The following GNB1 variants were observed in gnomAD, a reference collection of about 807,000 sequenced individuals.
GNB1 encodes the protein G protein subunit beta 1.
A neutral mutation model predicts 42.9 loss-of-function variants in GNB1; 2 were observed. That is an observed-to-expected ratio of 0.05 (90% CI 0.02 to 0.15). The LOEUF (loss-of-function observed/expected upper bound fraction) is 0.15, where lower values mean the gene tolerates loss of function less well. Ranked by LOEUF, GNB1 falls within the 10% of genes least tolerant of loss-of-function variation. The pLI is 1.00. For synonymous variants in GNB1, 183 were observed against 174.7 expected, an observed-to-expected ratio of 1.05 and a Z score of -0.38; for missense variants, 193 against 462.2, an observed-to-expected ratio of 0.42 and a Z score of 5.34.
intron 7 of GNB1, 29 bp from the exon 8 acceptor site, chr1:1,793,340 C>T (rs1290066887): frequency 3.2e-6 from 5 of 1,542,530 alleles, no homozygotes; most frequent in Non-Finnish European, 4.5e-6. Context: ...AAGTGATGAG[C>T]TGAATCCAGC....
Position 1,811,461 on chromosome 1 carries a change from G to A in GNB1, c.203+4295C>T, listed in dbSNP as rs558084552. Among the ~76,000 whole-genome samples the A allele has an allele frequency of 2.0e-5, 3 of 152,162 alleles. No individual in the cohort carries two copies. The East Asian group carries it at 5.9e-4, about 30-fold the overall frequency. ...TGTAATCCCAGCACTTTGGGAGGCC[G>A]AGGCGAGCGGATCACGAGGTCATGA... On this transcript the variant is annotated intron_variant, in intron 5 of 11. Coordinates refer to ENST00000378609, the MANE Select transcript of GNB1 (RefSeq NM_002074.5).
intron 7 of GNB1, 156 bp from the exon 8 acceptor site, chr1:1,793,467 G>A: frequency 3.6e-6 from 2 of 560,714 alleles, no homozygotes; most frequent in Non-Finnish European, 6.8e-6. Context: ...GCACACAGCA[G>A]AAGGTCCACA....
At chr1:1,884,705 C>T (rs977729885) in intron 1 of GNB1, among the ~76,000 whole-genome samples, 5 of 150,348 alleles carry the variant, frequency 3.3e-5, no homozygotes, top group East Asian at 2.0e-4. Flanking sequence ...TTTTGAGAGA[C>T]GGAGTCTTGC....
chr1:1,841,658 A>G (rs1274143282), intron 1 of GNB1, among the ~76,000 whole-genome samples: 1 of 152,230 alleles, frequency 6.6e-6, no homozygotes, highest in East Asian at 1.9e-4. Context: ...ACAAACTGAA[A>G]TATCTCCCAG....
chr1:1,817,973 T>C, intron 3 of GNB1, 98 bp from the exon 4 acceptor site: 1 of 918,028 alleles, frequency 1.1e-6, no homozygotes, highest in East Asian at 2.4e-5. Flanking sequence ...TCCTAAGCTG[T>C]CAGGAGCAAA....
intron 6 of GNB1, 116 bp from the exon 7 acceptor site, chr1:1,804,697 C>A (rs968083928): frequency 1.4e-6 from 1 of 730,872 alleles, no homozygotes; most frequent in African/African-American, 1.8e-5. Context: ...AAAATAAGAG[C>A]CAAAATTATC....
chr1:1,870,689 C>G (rs1649198270), intron 1 of GNB1, among the ~76,000 whole-genome samples: 1 of 152,182 alleles, frequency 6.6e-6, no homozygotes, highest in Non-Finnish European at 1.5e-5. Context: ...CATTTTAGCA[C>G]TTTGGGAGGC....
At chr1:1,814,979 G>C (rs1389823579) in intron 5 of GNB1, among the ~76,000 whole-genome samples, 1 of 151,738 alleles carries the variant, frequency 6.6e-6, no homozygotes, top group Non-Finnish European at 1.5e-5. Context: ...CAGTGTGGTG[G>C]CAGGCGCCTG....
Position 1,790,183 on chromosome 1 carries a change from G to A in GNB1, c.699+212C>T, listed in dbSNP as rs928585803. On this transcript the variant is annotated intron_variant, in intron 9 of 11. Transcript: ENST00000378609. The surrounding 1 kb of genome is among the most constrained non-coding windows in gnomAD (Gnocchi z 5.4). ...GCTCAGCTGTAGAGGTGGGAACGGG[G>A]ACTGGCATACAACACCCTGTGAGTA... Among the ~76,000 whole-genome samples, 1 of 152,194 alleles carries A rather than the reference G, an allele frequency of 6.6e-6. No homozygotes were observed. The highest frequency in any genetic ancestry group is 1.5e-5 in the Non-Finnish European group (1 of 68,040).
intron 1 of GNB1, among the ~76,000 whole-genome samples, chr1:1,878,781 C>A (rs1371562290): frequency 6.6e-6 from 1 of 152,162 alleles, no homozygotes; most frequent in Non-Finnish European, 1.5e-5. Context: ...GTATTCCCAT[C>A]TAAAATCCAT....
chr1:1,861,542 G>C (rs1648627162), intron 1 of GNB1, among the ~76,000 whole-genome samples: 1 of 151,872 alleles, frequency 6.6e-6, no homozygotes, highest in Non-Finnish European at 1.5e-5. Flanking sequence ...AGCAGGATTG[G>C]CAAGCAGCCT....
chr1:1,801,128 A>G (rs540968193), intron 7 of GNB1, among the ~76,000 whole-genome samples: 2 of 152,360 alleles, frequency 1.3e-5, no homozygotes, highest in African/African-American at 4.8e-5. Context: ...CTTCAGTTCA[A>G]GTAATTCTCC....
rs1171502893 is a variant in GNB1, at chr1:1,785,672, A to G, written c.*1391T>C. ...TGAACACCAGGACAATCTGTGTGTGATGGGAATGAGCCACCTCAGATGTGG... is the reference window on the plus strand; with the variant it reads ...TGAACACCAGGACAATCTGTGTGTGGTGGGAATGAGCCACCTCAGATGTGG... On this transcript the variant is annotated 3_prime_UTR_variant, in exon 12 of 12. Coordinates refer to ENST00000378609, the MANE Select transcript of GNB1 (RefSeq NM_002074.5). The G allele has an allele frequency of 3.7e-6, 1 of 270,310 alleles. No individual in the cohort carries two copies. The highest frequency in any genetic ancestry group is 5.3e-5 in the Admixed American group (1 of 18,698). The allele number at this position is 270,310 out of a possible 1,614,324, so 16.7% of individuals were successfully genotyped here. A position where few individuals can be genotyped will look rare whatever the true frequency, so the allele number is the denominator to read the frequency against.
intron 1 of GNB1, among the ~76,000 whole-genome samples, chr1:1,866,330 C>T (rs972091384): frequency 2.0e-5 from 3 of 152,248 alleles, no homozygotes; most frequent in Admixed American, 2.0e-4. Flanking sequence ...GACTTTGATA[C>T]ATATGTGCAT....
Position 1,790,343 on chromosome 1 carries a change from C to A in GNB1, c.699+52G>T, listed in dbSNP as rs377225069. On this transcript the variant is annotated intron_variant, in intron 9 of 11. Transcript: ENST00000378609. This position sits in a 1 kb window ranked among gnomAD's most constrained non-coding sequence, Gnocchi z 5.4. The stretch of plus-strand genomic sequence containing the variant: ...AAAGTTTAAAATTTAGCAATCTGAA[C>A]GGCTAGCAGAGACGGCAGAGGACCC... 3 of 1,242,926 alleles carry A rather than the reference C, an allele frequency of 2.4e-6. No homozygotes were observed. The highest frequency in any genetic ancestry group is 2.4e-5 in the South Asian group (2 of 83,504). The allele number at this position is 1,242,926 out of a possible 1,614,324, so 77.0% of individuals were successfully genotyped here. A position where few individuals can be genotyped will look rare whatever the true frequency, so the allele number is the denominator to read the frequency against.
intron 3 of GNB1, among the ~76,000 whole-genome samples, chr1:1,819,135 T>C (rs1008602204): frequency 6.6e-6 from 1 of 151,540 alleles, no homozygotes; most frequent in Admixed American, 6.6e-5. Context: ...CGTTTAGAAA[T>C]AGAAAGGTAC....
At chr1:1,840,289 G>C (rs1267528025) in intron 1 of GNB1, among the ~76,000 whole-genome samples, 1 of 151,528 alleles carries the variant, frequency 6.6e-6, no homozygotes, top group Non-Finnish European at 1.5e-5. Flanking sequence ...AGCACTTTGG[G>C]AGACCAAGTT....
At chr1:1,802,843 T>TA (rs1273487269) in intron 7 of GNB1, among the ~76,000 whole-genome samples, 3 of 151,754 alleles carry the variant, frequency 2.0e-5, no homozygotes, top group African/African-American at 7.3e-5. Context: ...CTTAAAACTT[T>TA]AAGTGATTCT....
chr1:1,890,675 C>G (rs868160579), intron 1 of GNB1, 145 bp downstream of exon 1: 5 of 148,094 alleles, frequency 3.4e-5, no homozygotes, highest in Non-Finnish European at 6.0e-5. Flanking sequence ...CCCGGCCCCC[C>G]CTTCGGACGC....
Sources: gnomAD v4.1 joint callset for allele counts (sites outside exome capture counted in the v4.1 genomes callset) on GRCh38, gnomAD v4.1.1 for gene constraint, Gnocchi (gnomAD v3.1) non-coding constraint, MANE v1.5 for transcripts, NCBI Gene and HGNC (gene_info 2026-07-23, HGNC 2026-07-21) for gene names.